The following AXL variants were observed in gnomAD, a reference collection of about 807,000 sequenced individuals.
AXL encodes the protein AXL receptor tyrosine kinase, also known as tyrosine-protein kinase receptor UFO.
Under a neutral mutation model 104.5 loss-of-function variants are expected in AXL, and 52 were observed. The ratio of observed to expected loss-of-function variants is 0.50; its 90% CI spans 0.40 to 0.63. AXL has a LOEUF of 0.63. Ranked by LOEUF, AXL falls within the 20% of genes least tolerant of loss-of-function variation. AXL has a pLI of 0.00. For missense variants in AXL, 1,024 were observed against 1,188.5 expected (o/e 0.86, Z 2.04); for synonymous variants, 455 against 473.7 (o/e 0.96, Z 0.51).
At chr19:41,221,845 G>A (rs1228014918) in intron 3 of AXL, 35 bp from the exon 4 acceptor site, 1 of 1,603,790 alleles carries the variant, frequency 6.2e-7, no homozygotes, top group Non-Finnish European at 8.5e-7. Context: ...GGGCCTCAGA[G>A]GGACCCCAGC....
rs1203463091 is a variant in AXL at position 41,221,934 on chromosome 19, C to A, written c.464C>A (p.Pro155His). 1 of 1,613,586 alleles carries A rather than the reference C, an allele frequency of 6.2e-7. No individual in the cohort carries two copies. The highest frequency in any genetic ancestry group is 2.2e-5 in the East Asian group (1 of 44,872). Residue 155 changes from proline (P) to histidine (H), a missense_variant, in exon 4 of 20, where the codon CCC becomes CAC. Transcript: ENST00000301178. ...PEDRTVAANT[P>H]FNLSCQAQGP... ...GACAGGACTGTGGCCGCCAACACCC[C>A]CTTCAACCTGAGCTGCCAAGCTCAG...
chr19:41,240,167 A>C (rs1251779981), intron 10 of AXL, among the ~76,000 whole-genome samples: 1 of 148,282 alleles, frequency 6.7e-6, no homozygotes, highest in Non-Finnish European at 1.5e-5. Flanking sequence ...GTGGGTGAAC[A>C]GATAAATGAC....
At chr19:41,247,313 A>T (rs2034287038) in intron 12 of AXL, among the ~76,000 whole-genome samples, 1 of 152,204 alleles carries the variant, frequency 6.6e-6, no homozygotes, top group African/African-American at 2.4e-5. Flanking sequence ...CGGGAGTTCC[A>T]GACCAGCCTG....
chr19:41,248,373 G>A, intron 12 of AXL, 141 bp from the exon 13 acceptor site: 2 of 792,204 alleles, frequency 2.5e-6, no homozygotes, highest in Non-Finnish European at 4.2e-6. Flanking sequence ...AAGTAGAGGG[G>A]TGCTCAGGGC....
At position 41,220,845 on chromosome 19, in the gene AXL, G is replaced by C. The variant is rs1336009431; in HGVS notation, c.295G>C (p.Val99Leu). ...GGATGAACAGGATGACTGGATAGTG[G>C]TCAGCCAGCTCAGGTGTGTGGCCAC... ...GEDEQDDWIV[V>L]SQLRITSLQL... Residue 99 changes from valine to leucine, a missense_variant, in exon 2 of 20, where the codon GTC (valine) becomes CTC (leucine). Physicochemically the swap from Val to Leu is conservative, Grantham distance 32. Coordinates refer to ENST00000301178, the MANE Select transcript of AXL (RefSeq NM_021913.5). 1.2e-6 allele frequency: 2 copies of C among 1,614,082 alleles called. No homozygotes were observed. Among genetic ancestry groups the C allele is most frequent in the Admixed American group, 1.7e-5 (1 of 60,020 alleles).
At chr19:41,255,316 C>G (rs761540717) in intron 17 of AXL, among the ~76,000 whole-genome samples, 4 of 151,150 alleles carry the variant, frequency 2.6e-5, no homozygotes, top group Non-Finnish European at 5.9e-5. Flanking sequence ...CTTTCTTTTT[C>G]TTTCTTTTCT....
At chr19:41,235,399 T>C (rs543527577) in intron 6 of AXL, among the ~76,000 whole-genome samples, 63 of 99,784 alleles carry the variant, frequency 6.3e-4, no homozygotes, top group South Asian at 3.8e-3. Context: ...GATAGATAGA[T>C]AGATAGATAG....
intron 6 of AXL, among the ~76,000 whole-genome samples, chr19:41,231,949 C>CAAA (rs56711584): frequency 0.045 from 6,620 of 146,446 alleles, 335 homozygotes; most frequent in African/African-American, 0.12. Flanking sequence ...GAAACAACAA[C>CAAA]AAAAAAAATT....
chr19:41,244,510 C>T (rs187458606), intron 12 of AXL, among the ~76,000 whole-genome samples: 6 of 151,096 alleles, frequency 4.0e-5, no homozygotes, highest in East Asian at 2.0e-4. Flanking sequence ...GACAGAGTCT[C>T]GCTCTGTTGC....
chr19:41,229,715 A>G (rs903707503), intron 4 of AXL, among the ~76,000 whole-genome samples: 2 of 152,190 alleles, frequency 1.3e-5, no homozygotes, highest in African/African-American at 2.4e-5. Context: ...GAGTGGAAAC[A>G]TGCTTCATGT....
At chr19:41,252,508 C>T (rs1286635021) in intron 15 of AXL, 65 bp downstream of exon 15, 5 of 1,553,980 alleles carry the variant, frequency 3.2e-6, no homozygotes, top group African/African-American at 1.4e-5. Flanking sequence ...GGGAAGAGCC[C>T]TGCTTCTGGC....
chr19:41,225,864 A>G (rs1403622214), intron 4 of AXL, among the ~76,000 whole-genome samples: 7 of 151,962 alleles, frequency 4.6e-5, no homozygotes, highest in African/African-American at 1.7e-4. Flanking sequence ...TGCTGTGTGA[A>G]GGAATTTCGT....
chr19:41,240,550 T>C (rs759181940), intron 10 of AXL, among the ~76,000 whole-genome samples: 12 of 152,058 alleles, frequency 7.9e-5, no homozygotes, highest in Admixed American at 1.3e-4. Flanking sequence ...TTCTCAAACA[T>C]TCCTCCTACA....
At chr19:41,229,782 G>C (rs1366453898) in intron 4 of AXL, among the ~76,000 whole-genome samples, 1 of 152,138 alleles carries the variant, frequency 6.6e-6, no homozygotes, top group Non-Finnish European at 1.5e-5. Flanking sequence ...GTGACAGGGA[G>C]AGTGGGAGAG....
chr19:41,233,342 T>C (rs1045879079), intron 6 of AXL, among the ~76,000 whole-genome samples: 2 of 150,806 alleles, frequency 1.3e-5, no homozygotes, highest in Non-Finnish European at 3.0e-5. Flanking sequence ...GTCTTATACT[T>C]ACATGCTCTG....
chr19:41,221,261 C>A lies in AXL; in HGVS notation c.409+15C>A. ...TGGGCTGGAGGGTGAGCTCTGGGGT[C>A]AGGGGTCCTGAGGGGTCAGAGGACA... On this transcript the variant is annotated intron_variant, in intron 3 of 19. Transcript: ENST00000301178. 6.2e-7 allele frequency: 1 copy of A among 1,610,166 alleles called. No homozygotes were observed. Among genetic ancestry groups the A allele is most frequent in the South Asian group, 1.1e-5 (1 of 90,500 alleles).
intron 4 of AXL, chr19:41,226,843 C>G (rs533746094): frequency 1.0e-6 from 1 of 974,726 alleles, no homozygotes; most frequent in African/African-American, 1.8e-5. Context: ...GCCTGCGATC[C>G]AGCACTTTGG....
intron 4 of AXL, among the ~76,000 whole-genome samples, chr19:41,230,280 A>C (rs2033955916): frequency 7.3e-6 from 1 of 137,708 alleles, no homozygotes; most frequent in South Asian, 2.3e-4. Flanking sequence ...CTGTGTGAGC[A>C]TGTGTGTGTA....
At chr19:41,251,562 CAAA>C (rs916273568) in intron 14 of AXL, among the ~76,000 whole-genome samples, 1 of 109,744 alleles carries the variant, frequency 9.1e-6, no homozygotes. Flanking sequence ...AACTCCATCT[CAAA>C]AAAAAAAAAA....
Sources: allele counts gnomAD v4.1 joint callset (sites outside exome capture counted in the v4.1 genomes callset), GRCh38; gene constraint gnomAD v4.1.1; transcripts MANE v1.5; gene names NCBI Gene and HGNC (gene_info 2026-07-23, HGNC 2026-07-21).